The following FRY variants were observed in gnomAD, a reference collection of about 807,000 sequenced individuals.
The protein encoded by FRY is protein furry homolog.
In FRY, 128 loss-of-function variants were observed where a neutral mutation model predicts 348.4. That is an observed-to-expected ratio of 0.37 (90% confidence interval 0.32 to 0.43). The LOEUF (loss-of-function observed/expected upper bound fraction) is 0.43, where lower values mean the gene tolerates loss of function less well. Ranked by LOEUF, FRY falls within the 20% of genes least tolerant of loss-of-function variation. The probability of loss-of-function intolerance (pLI) is 1.00; values close to 1 mark genes in which losing one functional copy is unlikely to be tolerated. For missense variants in FRY, 2,736 were observed against 3,695.2 expected (o/e 0.74, Z 6.73); for synonymous variants, 1,370 against 1,374.7 (o/e 1.00, Z 0.08).
chr13:32,090,350 C>CAA (rs34392238), intron 2 of FRY, among the ~76,000 whole-genome samples: 6,415 of 57,978 alleles, frequency 0.11, 567 homozygotes, highest in East Asian at 0.49. Flanking sequence ...GACTCCATCT[C>CAA]AAAAAAAAAA....
At chr13:32,160,216 T>C (rs372608465) in intron 16 of FRY, among the ~76,000 whole-genome samples, 5 of 152,220 alleles carry the variant, frequency 3.3e-5, no homozygotes, top group East Asian at 3.8e-4. Flanking sequence ...AGGAATTATT[T>C]TTATGCTATT....
rs758591168 is a variant in FRY at position 32,209,623 on chromosome 13, T to C, written c.4314T>C (p.Ala1438=). ...TTCCTGGGCCAGAAATGGAAAATGC[T>C]TGGAATGCTTTAGCCAACAATGAGA... ...DEVPGPEMEN[A]WNALANNEKW... The change falls in exon 33 of 61, where the codon GCT becomes GCC. Residue 1438 remains alanine (A), a synonymous_variant. Transcript: ENST00000542859. 5.0e-6 allele frequency: 8 copies of C among 1,613,990 alleles called. No homozygotes were observed. Among genetic ancestry groups the C allele is most frequent in the African/African-American group, 1.3e-5 (1 of 74,932 alleles).
intron 1 of FRY, among the ~76,000 whole-genome samples, chr13:32,044,908 A>G (rs1191243837): frequency 6.6e-6 from 1 of 152,222 alleles, no homozygotes; most frequent in Non-Finnish European, 1.5e-5. Flanking sequence ...TTAAAAGAAG[A>G]GTGTCAAGTG....
chr13:32,187,793 C>A, intron 28 of FRY, 137 bp downstream of exon 28: 1 of 674,376 alleles, frequency 1.5e-6, no homozygotes, highest in Non-Finnish European at 2.8e-6. Context: ...GTGTTGTTTG[C>A]TTTACGCTAT....
Position 32,102,884 on chromosome 13 carries a change from C to A in FRY, c.324+868C>A, listed in dbSNP as rs765995932. 5.3e-4 allele frequency among the ~76,000 whole-genome samples: 80 copies of A among 152,186 alleles called. 3 individuals are homozygous for A. The highest frequency in any genetic ancestry group is 1.5e-4 in the Non-Finnish European group (10 of 68,030). On this transcript the variant is annotated intron_variant, in intron 3 of 60. Transcript: ENST00000542859. ...TGCCAACGTCAGACACAAAATACTG[C>A]TAGATATTCCCTGGCTTGTGGTAGT...
intron 17 of FRY, among the ~76,000 whole-genome samples, chr13:32,170,464 C>G (rs760882481): frequency 9.2e-5 from 14 of 152,150 alleles, no homozygotes; most frequent in African/African-American, 2.4e-4. Flanking sequence ...GCCCGAAGAA[C>G]GCTATATCGG....
intron 19 of FRY, 110 bp downstream of exon 19, chr13:32,173,659 G>A: frequency 3.6e-6 from 3 of 830,458 alleles, no homozygotes; most frequent in South Asian, 1.4e-5. Flanking sequence ...TATGTTACAT[G>A]TAGTGTTTCA....
intron 58 of FRY, among the ~76,000 whole-genome samples, chr13:32,282,925 G>A (rs376810596): frequency 3.3e-5 from 5 of 152,022 alleles, no homozygotes; most frequent in African/African-American, 9.7e-5. Flanking sequence ...GGTGGATCAC[G>A]AGGTCAGGAG....
Position 32,131,600 on chromosome 13 carries a change from A to G in FRY, c.717-72A>G, listed in dbSNP as rs1879368036. Reference sequence around the variant, plus strand: ...TCCATTGCTCTGCTCAATCACTCCCAGATGCTGGAGGCCCCCATTACAGGG... The same window carrying G: ...TCCATTGCTCTGCTCAATCACTCCCGGATGCTGGAGGCCCCCATTACAGGG... On this transcript the variant is annotated intron_variant, in intron 7 of 60. Transcript: ENST00000542859. 7 of 1,012,102 alleles carry G rather than the reference A, an allele frequency of 6.9e-6. No homozygotes were observed. The South Asian group carries it at 7.7e-5, about 11-fold the overall frequency. 62.7% of individuals were successfully genotyped at this position (1,012,102 alleles called of 1,614,324 possible). A position where few individuals can be genotyped will look rare whatever the true frequency, so the allele number is the denominator to read the frequency against.
chr13:32,157,435 G>C, intron 16 of FRY, 30 bp downstream of exon 16: 2 of 1,603,756 alleles, frequency 1.2e-6, no homozygotes, highest in Non-Finnish European at 1.7e-6. Flanking sequence ...AGTTATCAGT[G>C]AAAGATTAAC....
At position 32,261,826 on chromosome 13, in the gene FRY, G is replaced by A. The variant is rs192959762; in HGVS notation, c.7617+10G>A. ...GGAGCACTCAGACCTAGTAAGTAGC[G>A]GCTCTCCCACTCTAAGAATTGGGAG... On this transcript the variant is annotated intron_variant, in intron 52 of 60. Transcript: ENST00000542859. 4.4e-3 allele frequency: 7,149 copies of A among 1,612,442 alleles called. 25 individuals carry two copies. The highest frequency in any genetic ancestry group is 6.7e-3 in the Admixed American group (401 of 60,010).
chr13:32,058,821 G>A (rs945382462), intron 1 of FRY, among the ~76,000 whole-genome samples: 5 of 152,314 alleles, frequency 3.3e-5, no homozygotes, highest in Middle Eastern at 3.4e-3. Context: ...TCTCTTAAAT[G>A]TATACAAAGA....
chr13:32,124,233 T>C (rs1878883763), intron 4 of FRY, 53 bp from the exon 5 acceptor site: 2 of 1,060,442 alleles, frequency 1.9e-6, no homozygotes, highest in Non-Finnish European at 2.9e-6. Flanking sequence ...TGAATTGTAT[T>C]ACTCTGAGAA....
chr13:32,144,049 G>T lies in FRY; in HGVS notation c.1180-3233G>T, dbSNP rs572789990. The stretch of plus-strand genomic sequence containing the variant: ...TTAACCACCATGTAAGTACACCATA[G>T]GCATTTGCTGATTTGGACCAATTGG... On this transcript the variant is annotated intron_variant, in intron 11 of 60. Coordinates refer to ENST00000542859, the MANE Select transcript of FRY (RefSeq NM_023037.3). 2.6e-5 allele frequency among the ~76,000 whole-genome samples: 4 copies of T among 152,182 alleles called. No homozygotes were observed. The South Asian group carries it at 8.3e-4, about 32-fold the overall frequency.
intron 56 of FRY, among the ~76,000 whole-genome samples, chr13:32,275,820 A>G (rs1338302189): frequency 6.6e-6 from 1 of 152,014 alleles, no homozygotes; most frequent in Non-Finnish European, 1.5e-5. Context: ...GGCTTTACAC[A>G]TGGAACTCTA....
intron 28 of FRY, among the ~76,000 whole-genome samples, chr13:32,191,879 G>C (rs1369353194): frequency 6.6e-6 from 1 of 152,142 alleles, no homozygotes; most frequent in Non-Finnish European, 1.5e-5. Context: ...ATTTAAATAT[G>C]AATTGGAGGT....
chr13:32,248,318 T>G (rs978380747), intron 48 of FRY, among the ~76,000 whole-genome samples: 1 of 151,618 alleles, frequency 6.6e-6, no homozygotes, highest in Non-Finnish European at 1.5e-5. Context: ...CACTCATAAG[T>G]AGGAGTTGAA....
intron 1 of FRY, among the ~76,000 whole-genome samples, chr13:32,048,778 GA>G (rs35285986): frequency 0.015 from 2,171 of 149,268 alleles, 52 homozygotes; most frequent in African/African-American, 0.049. Context: ...GGCCTTACTA[GA>G]AAAAAAAAAT....
chr13:32,094,536 T>C (rs1028172381), intron 2 of FRY, among the ~76,000 whole-genome samples: 2 of 151,966 alleles, frequency 1.3e-5, no homozygotes, highest in African/African-American at 4.8e-5. Flanking sequence ...CAGCCTCTAA[T>C]AAACATCCTT....
Sources: allele counts gnomAD v4.1 joint callset (sites outside exome capture counted in the v4.1 genomes callset), GRCh38; gene constraint gnomAD v4.1.1; transcripts MANE v1.5; gene names NCBI Gene and HGNC (gene_info 2026-07-23, HGNC 2026-07-21).